HIPK2: variants seen among roughly 807,000 people sequenced by gnomAD.
The protein encoded by HIPK2 is homeodomain interacting protein kinase 2.
In HIPK2, 27 loss-of-function variants were observed where a neutral mutation model predicts 113.7. That is an observed-to-expected ratio of 0.24 (90% CI 0.17 to 0.33). HIPK2 has a LOEUF of 0.33. Among genes scored for constraint, HIPK2 ranks in the 10% least tolerant of loss-of-function variants. The pLI is 1.00. For missense variants in HIPK2, 1,257 were observed against 1,588.0 expected, an observed-to-expected ratio of 0.79 and a Z score of 3.54; for synonymous variants, 631 against 642.2, an observed-to-expected ratio of 0.98 and a Z score of 0.26.
chr7:139,748,382 G>A (rs1205476087), intron 1 of HIPK2, among the ~76,000 whole-genome samples: 1 of 152,060 alleles, frequency 6.6e-6, no homozygotes. Flanking sequence ...ACCACAAGCT[G>A]GGGGGCATAA....
At chr7:139,688,084 C>T (rs929270875) in intron 2 of HIPK2, among the ~76,000 whole-genome samples, 4 of 152,030 alleles carry the variant, frequency 2.6e-5, no homozygotes, top group African/African-American at 9.7e-5. Context: ...CAGGGACAAT[C>T]CACTGGGCCA....
chr7:139,760,005 G>T (rs888934569), intron 1 of HIPK2, among the ~76,000 whole-genome samples: 48 of 143,590 alleles, frequency 3.3e-4, no homozygotes, highest in African/African-American at 1.1e-3. Flanking sequence ...CTACCTAGTT[G>T]TTTTTTTTTT....
intron 2 of HIPK2, among the ~76,000 whole-genome samples, chr7:139,705,480 CA>C (rs2116880560): frequency 6.6e-6 from 1 of 152,124 alleles, no homozygotes; most frequent in East Asian, 1.9e-4. Flanking sequence ...GGGTTCATGC[CA>C]TTCTCCTGCC....
At chr7:139,626,441 C>T (rs1800432871) in intron 6 of HIPK2, 160 bp downstream of exon 6, 1 of 244,008 alleles carries the variant, frequency 4.1e-6, no homozygotes, top group Admixed American at 6.5e-5. Context: ...AATGCAGCCT[C>T]ACTCATCTGT....
intron 13 of HIPK2, among the ~76,000 whole-genome samples, chr7:139,578,559 T>G (rs1341561367): frequency 6.6e-6 from 1 of 152,262 alleles, no homozygotes; most frequent in Non-Finnish European, 1.5e-5. Context: ...CATCCTTTGT[T>G]GATTTGAGCA....
chr7:139,633,771 C>G (rs750712651), intron 2 of HIPK2, among the ~76,000 whole-genome samples: 2 of 151,876 alleles, frequency 1.3e-5, no homozygotes, highest in African/African-American at 4.8e-5. Context: ...ATGGTGAAAC[C>G]CTGTCTCTAC....
At chr7:139,583,681 C>G (rs1317246694) in intron 13 of HIPK2, 136 bp downstream of exon 13, 7 of 1,315,796 alleles carry the variant, frequency 5.3e-6, no homozygotes, top group Non-Finnish European at 7.2e-6. Flanking sequence ...TGAATAAAAT[C>G]CTCGGTAAGG....
rs1222638169 is a variant in HIPK2, at chr7:139,697,576, G to GT, written c.1103+18355dup. 3.8e-3 allele frequency among the ~76,000 whole-genome samples: 559 copies of GT among 146,792 alleles called. 4 individuals are homozygous for GT. The highest frequency in any genetic ancestry group is 0.011 in the African/African-American group (454 of 39,948). ...CATCCCATTCCTACTTAGCCTAAAG[G>GT]TTTTTTTTTTTCTGTTTAAAAAATA... On this transcript the variant is annotated intron_variant, in intron 2 of 14. Transcript: ENST00000406875.
At chr7:139,608,498 A>G (rs1799706440) in intron 9 of HIPK2, among the ~76,000 whole-genome samples, 1 of 151,900 alleles carries the variant, frequency 6.6e-6, no homozygotes, top group Admixed American at 6.6e-5. Flanking sequence ...AATTATGTAC[A>G]TGTATTACTT....
intron 2 of HIPK2, among the ~76,000 whole-genome samples, chr7:139,711,938 A>G (rs772143087): frequency 1.3e-4 from 20 of 152,266 alleles, no homozygotes; most frequent in Non-Finnish European, 2.4e-4. Flanking sequence ...AGTGTTTCTC[A>G]AAGACTGGTC....
Position 139,573,838 on chromosome 7 carries a change from ACT to A in HIPK2, c.3127-443_3127-442del, listed in dbSNP as rs746768742. ...ACTCCAGCCTGGGTGACAGAGTGAA[ACT>A]CTGTCTCAAAAAAAAAAAAAAAATT... On this transcript the variant is annotated intron_variant, in intron 14 of 14. Coordinates refer to ENST00000406875, the MANE Select transcript of HIPK2 (RefSeq NM_022740.5). Among the ~76,000 whole-genome samples the A allele has an allele frequency of 9.8e-4, 146 of 148,506 alleles. 1 individual carries two copies. Among genetic ancestry groups the A allele is most frequent in the Non-Finnish European group, 1.3e-3 (87 of 67,116 alleles).
chr7:139,740,375 C>G (rs1796065100), intron 1 of HIPK2, among the ~76,000 whole-genome samples: 1 of 152,240 alleles, frequency 6.6e-6, no homozygotes, highest in Non-Finnish European at 1.5e-5. Context: ...CGAGGGTTGG[C>G]ACAATGCATG....
chr7:139,773,866 C>A (rs969777078), intron 1 of HIPK2, among the ~76,000 whole-genome samples: 1 of 152,220 alleles, frequency 6.6e-6, no homozygotes, highest in Admixed American at 6.5e-5. Context: ...CAAAGGTTAT[C>A]TTTCATACTT....
chr7:139,753,647 G>T (rs1796316170), intron 1 of HIPK2, among the ~76,000 whole-genome samples: 1 of 152,208 alleles, frequency 6.6e-6, no homozygotes, highest in South Asian at 2.1e-4. Flanking sequence ...AGCACAGTAG[G>T]GAAAATGCAA....
chr7:139,773,078 A>C (rs1585471966), intron 1 of HIPK2, among the ~76,000 whole-genome samples: 1 of 152,202 alleles, frequency 6.6e-6, no homozygotes, highest in Admixed American at 6.5e-5. Flanking sequence ...CAAACCCAGA[A>C]CCTGCCACAG....
intron 2 of HIPK2, among the ~76,000 whole-genome samples, chr7:139,638,991 A>C (rs544173453): frequency 6.6e-6 from 1 of 152,182 alleles, no homozygotes. Flanking sequence ...ATACGTTTGC[A>C]TATCTGCCTC....
At chr7:139,620,626 AT>A in intron 6 of HIPK2, 63 bp from the exon 7 acceptor site, 1 of 1,579,938 alleles carries the variant, frequency 6.3e-7, no homozygotes, top group South Asian at 1.2e-5. Flanking sequence ...GTAACGTGGG[AT>A]GAAGGGGAGA....
Position 139,655,920 on chromosome 7 carries a change from G to A in HIPK2, c.1104-24195C>T, listed in dbSNP as rs183739045. Among the ~76,000 whole-genome samples, 54 of 152,244 alleles carry A rather than the reference G, an allele frequency of 3.5e-4. No homozygotes were observed. In the East Asian group the frequency reaches 8.9e-3, roughly 25 times the overall value. ...TCGTGCCAGGGAAGCTGGAAAGGCT[G>A]CACTCACACATCACCACCAAGCTGC... On this transcript the variant is annotated intron_variant, in intron 2 of 14. Transcript: ENST00000406875.
chr7:139,703,162 T>A (rs1268836002), intron 2 of HIPK2, among the ~76,000 whole-genome samples: 5 of 152,178 alleles, frequency 3.3e-5, no homozygotes, highest in Non-Finnish European at 7.3e-5. Flanking sequence ...TAGAGGTCAT[T>A]AGGGGTAAAT....
Sources: allele counts gnomAD v4.1 joint callset (sites outside exome capture counted in the v4.1 genomes callset), GRCh38; gene constraint gnomAD v4.1.1; transcripts MANE v1.5; gene names NCBI Gene and HGNC (gene_info 2026-07-23, HGNC 2026-07-21).